TMEM132C: variants seen among roughly 807,000 people sequenced by gnomAD.
TMEM132C encodes transmembrane protein 132C.
TMEM132C carries 29 observed loss-of-function variants against 61.4 expected under a neutral mutation model. The observed-to-expected ratio is 0.47, with a 90% CI of 0.35 to 0.64. The LOEUF (loss-of-function observed/expected upper bound fraction) is 0.64, where lower values mean the gene tolerates loss of function less well. Ranked by LOEUF, TMEM132C falls within the 30% of genes least tolerant of loss-of-function variation. The pLI is 0.00. For missense variants in TMEM132C, 1,408 were observed against 1,476.9 expected, an observed-to-expected ratio of 0.95 and a Z score of 0.76; for synonymous variants, 656 against 633.1, an observed-to-expected ratio of 1.04 and a Z score of -0.54.
At chr12:128,653,709 A>C (rs1954296075) in intron 4 of TMEM132C, among the ~76,000 whole-genome samples, 1 of 152,240 alleles carries the variant, frequency 6.6e-6, no homozygotes, top group Admixed American at 6.5e-5. Context: ...TAGATAAATC[A>C]GTGCATGCAG....
At chr12:128,590,541 C>T (rs567156288) in intron 3 of TMEM132C, among the ~76,000 whole-genome samples, 4 of 152,282 alleles carry the variant, frequency 2.6e-5, no homozygotes, top group South Asian at 4.1e-4. Context: ...CGAGGGACTC[C>T]GGGTCTCCCC....
At chr12:128,591,780 G>A (rs984624576) in intron 3 of TMEM132C, among the ~76,000 whole-genome samples, 4 of 152,022 alleles carry the variant, frequency 2.6e-5, no homozygotes, top group Admixed American at 2.0e-4. Context: ...AGCCAGGCAC[G>A]GTGGCTCATG....
In TMEM132C at chr12:128,310,693, A is replaced by G. The variant is rs551716065; in HGVS notation, c.85+43206A>G. On this transcript the variant is annotated intron_variant, in intron 1 of 8. Coordinates refer to ENST00000435159, the MANE Select transcript of TMEM132C (RefSeq NM_001136103.3). ...CCCCACCTCCAATACTGGGGATCAC[A>G]TTTCAACATGAGATTTGGGTGGGGA... Among the ~76,000 whole-genome samples, 6 of 152,246 alleles carry G rather than the reference A, an allele frequency of 3.9e-5. No homozygotes were observed. In the South Asian group the frequency reaches 1.2e-3, roughly 32 times the overall value.
At chr12:128,360,035 T>C (rs1274045610) in intron 1 of TMEM132C, among the ~76,000 whole-genome samples, 1 of 152,026 alleles carries the variant, frequency 6.6e-6, no homozygotes, top group Non-Finnish European at 1.5e-5. Flanking sequence ...CTGTGGTGGG[T>C]TTGGAGGTTG....
At chr12:128,692,517 G>C (rs1195783772) in intron 5 of TMEM132C, among the ~76,000 whole-genome samples, 8 of 152,166 alleles carry the variant, frequency 5.3e-5, no homozygotes. Context: ...TCTATTTTCA[G>C]TTTTCAATTC....
intron 2 of TMEM132C, among the ~76,000 whole-genome samples, chr12:128,491,527 C>T (rs561937444): frequency 2.0e-5 from 3 of 152,226 alleles, no homozygotes; most frequent in Middle Eastern, 3.4e-3. Flanking sequence ...GCCAACAGCC[C>T]AATGGATTCC....
At chr12:128,473,933 G>C (rs532509309) in intron 2 of TMEM132C, among the ~76,000 whole-genome samples, 16 of 152,332 alleles carry the variant, frequency 1.1e-4, no homozygotes, top group African/African-American at 3.6e-4. Context: ...GGATGTTGAA[G>C]TATCTTTTGG....
At position 128,624,532 on chromosome 12, in the gene TMEM132C, A is replaced by C. The variant is rs140257515; in HGVS notation, c.1305+8197A>C. ...GCACTCCAACCTGGGTGATAGAGTG[A>C]GACTCCATCTCAAAAAAAAAAAAAA... On this transcript the variant is annotated intron_variant, in intron 4 of 8. Transcript: ENST00000435159. Among the ~76,000 whole-genome samples the C allele has an allele frequency of 8.0e-4, 109 of 136,314 alleles. 1 individual carries two copies. In the Middle Eastern group the frequency reaches 0.019, roughly 23 times the overall value. 89.4% of individuals were successfully genotyped at this position (136,314 alleles called of 152,430 possible). A position where few individuals can be genotyped will look rare whatever the true frequency, so the allele number is the denominator to read the frequency against.
intron 1 of TMEM132C, among the ~76,000 whole-genome samples, chr12:128,382,201 C>T (rs184653292): frequency 3.0e-4 from 45 of 152,284 alleles, no homozygotes; most frequent in African/African-American, 8.2e-4. Context: ...GGACCCTTCA[C>T]GTATTGTGTA....
intron 3 of TMEM132C, among the ~76,000 whole-genome samples, chr12:128,610,202 G>A (rs1211148109): frequency 3.3e-5 from 5 of 152,220 alleles, no homozygotes; most frequent in Admixed American, 2.0e-4. Context: ...AGCCTGGATC[G>A]AGTGATTCTC....
At position 128,669,485 on chromosome 12, in the gene TMEM132C, T is replaced by C. The variant is rs1593142448; in HGVS notation, c.1374T>C (p.Ser458=). 6.4e-7 allele frequency: 1 copy of C among 1,551,586 alleles called. No homozygotes were observed. Among genetic ancestry groups the C allele is most frequent in the African/African-American group, 1.4e-5 (1 of 73,036 alleles). Residue 458 remains serine (S), a synonymous_variant, in exon 5 of 9, where the codon TCT becomes TCC. Coordinates refer to ENST00000435159, the MANE Select transcript of TMEM132C (RefSeq NM_001136103.3). ...TTGCCATGCCTATCAAGGTGGTCTC[T>C]GTGGAGGAGAACAGTGCCGTGATGG... is the stretch of plus-strand genomic sequence containing the variant. ...KTVAMPIKVV[S]VEENSAVMDI... is the part of the protein sequence containing the mutation.
intron 4 of TMEM132C, among the ~76,000 whole-genome samples, chr12:128,624,565 A>C (rs1953997822): frequency 6.6e-6 from 1 of 151,236 alleles, no homozygotes; most frequent in Non-Finnish European, 1.5e-5. Context: ...AAAAAAAAAA[A>C]AAGGAATGAA....
chr12:128,532,588 T>C (rs3996466), intron 2 of TMEM132C, among the ~76,000 whole-genome samples: 56,022 of 138,108 alleles, frequency 0.41, 13,398 homozygotes, highest in African/African-American at 0.68. Context: ...TGCAGTGAGC[T>C]GAGATCGCGC....
chr12:128,491,529 A>G (rs909922748), intron 2 of TMEM132C, among the ~76,000 whole-genome samples: 4 of 152,154 alleles, frequency 2.6e-5, no homozygotes, highest in South Asian at 2.1e-4. Flanking sequence ...CAACAGCCCA[A>G]TGGATTCCCT....
chr12:128,553,145 G>A (rs1043230039), intron 3 of TMEM132C, among the ~76,000 whole-genome samples: 3 of 152,152 alleles, frequency 2.0e-5, no homozygotes, highest in Admixed American at 1.3e-4. Flanking sequence ...GATAGCTGAT[G>A]AGCTGGAAAA....
rs116247264 is a variant in TMEM132C, at chr12:128,396,431, G to A, written c.86-18301G>A. Among the ~76,000 whole-genome samples the A allele has an allele frequency of 3.8e-3, 572 of 151,882 alleles. 7 individuals are homozygous for A. Among genetic ancestry groups the A allele is most frequent in the African/African-American group, 0.013 (546 of 41,304 alleles). ...GAGAGAGAATTACAAATGCTCGCAT[G>A]CATTAGACAAATACCTAGTGCACGC... On this transcript the variant is annotated intron_variant, in intron 1 of 8. Coordinates refer to ENST00000435159, the MANE Select transcript of TMEM132C (RefSeq NM_001136103.3).
chr12:128,342,160 C>T (rs1872995148), intron 1 of TMEM132C, among the ~76,000 whole-genome samples: 1 of 152,124 alleles, frequency 6.6e-6, no homozygotes, highest in African/African-American at 2.4e-5. Context: ...AGGTGCACAA[C>T]ACCACGCCCG....
chr12:128,482,354 T>C (rs1871339131), intron 2 of TMEM132C, among the ~76,000 whole-genome samples: 1 of 152,222 alleles, frequency 6.6e-6, no homozygotes, highest in South Asian at 2.1e-4. Context: ...CAGAAATAAC[T>C]GAATAACTGG....
chr12:128,443,412 C>G (rs1349513137), intron 2 of TMEM132C, among the ~76,000 whole-genome samples: 1 of 152,038 alleles, frequency 6.6e-6, no homozygotes. Context: ...ACCCCAAAAG[C>G]TACAGAAATA....
Sources: allele counts gnomAD v4.1 joint callset (sites outside exome capture counted in the v4.1 genomes callset), GRCh38; gene constraint gnomAD v4.1.1; transcripts MANE v1.5; gene names NCBI Gene and HGNC (gene_info 2026-07-23, HGNC 2026-07-21).